Variants in LMO2 observed in about 807,000 individuals in gnomAD.
LMO2 encodes rhombotin-2.
A neutral mutation model predicts 23.2 loss-of-function variants in LMO2; 20 were observed. The observed-to-expected ratio is 0.86, with a 90% CI of 0.61 to 1.25. The LOEUF is 1.25. Ranked by LOEUF, LMO2 falls within the 50% of genes most tolerant of loss-of-function variation. The probability of loss-of-function intolerance (pLI) is 0.00; values close to 1 mark genes in which losing one functional copy is unlikely to be tolerated. For missense variants in LMO2, 270 were observed against 315.3 expected (o/e 0.86, Z 1.09); for synonymous variants, 123 against 130.2 (o/e 0.94, Z 0.38).
At chr11:33,873,926 A>T (rs1857080115) in intron 2 of LMO2, among the ~76,000 whole-genome samples, 1 of 152,240 alleles carries the variant, frequency 6.6e-6, no homozygotes, top group Non-Finnish European at 1.5e-5. Context: ...GATAGAAATG[A>T]AAATGCAAAT....
rs148283015 is a variant in LMO2, at chr11:33,872,784, G to A, written c.-271-2797C>T. ...TGTTTGTTTGTTTGTTTTTTGAGAT[G>A]GAGTCTCGCTCTGATACCCAGGCTG... On this transcript the variant is annotated intron_variant, in intron 2 of 5. Coordinates refer to ENST00000257818, the MANE Select transcript of LMO2 (RefSeq NM_005574.4). Among the ~76,000 whole-genome samples, 734 of 152,090 alleles carry A rather than the reference G, an allele frequency of 4.8e-3. 10 individuals carry two copies. The highest frequency in any genetic ancestry group is 0.017 in the African/African-American group (694 of 41,444).
chr11:33,866,920 T>G (rs867765703), intron 4 of LMO2, among the ~76,000 whole-genome samples: 2 of 152,338 alleles, frequency 1.3e-5, no homozygotes, highest in Middle Eastern at 6.8e-3. Context: ...TTCTAATAAC[T>G]AATACCCTAG....
intron 4 of LMO2, among the ~76,000 whole-genome samples, chr11:33,865,400 G>T (rs1430605525): frequency 6.6e-6 from 1 of 152,210 alleles, no homozygotes; most frequent in Non-Finnish European, 1.5e-5. Context: ...ATTTTAGGTT[G>T]CTTTCTCTTT....
intron 2 of LMO2, chr11:33,871,201 C>CTCTGTGTG (rs1857012495): frequency 6.2e-6 from 1 of 160,002 alleles, no homozygotes; most frequent in African/African-American, 2.6e-5. Flanking sequence ...TAATCAAAAG[C>CTCTGTGTG]TGTGTGTGTG....
chr11:33,869,555 C>T lies in LMO2; in HGVS notation c.39G>A (p.Gly13=). 7.7e-7 allele frequency: 1 copy of T among 1,291,280 alleles called. No individual in the cohort carries two copies. 80.0% of individuals were successfully genotyped at this position (1,291,280 alleles called of 1,614,324 possible). A position where few individuals can be genotyped will look rare whatever the true frequency, so the allele number is the denominator to read the frequency against. Residue 13 remains glycine, a synonymous_variant, in exon 4 of 6, where the codon GGG becomes GGA. Transcript: ENST00000257818. ...GSAVTVLERG[G]ASSPAERRSK... ...TCCGGCGCTCCGCCGGCGAGCTCGC[C>T]CCTCCGCGCTCAAGGACAGTCACCG...
chr11:33,859,987 G>C (rs1046016228), intron 5 of LMO2, among the ~76,000 whole-genome samples: 3 of 152,124 alleles, frequency 2.0e-5, no homozygotes, highest in African/African-American at 7.2e-5. Flanking sequence ...CCCTTTGAGA[G>C]GGTACTGACC....
intron 1 of LMO2, among the ~76,000 whole-genome samples, chr11:33,885,624 T>C (rs1482115147): frequency 3.3e-5 from 5 of 152,180 alleles, no homozygotes; most frequent in African/African-American, 7.2e-5. Context: ...ACAATGGCAA[T>C]GAGGTTTATT....
At chr11:33,888,142 T>C (rs1857457977) in intron 1 of LMO2, among the ~76,000 whole-genome samples, 1 of 152,188 alleles carries the variant, frequency 6.6e-6, no homozygotes, top group Non-Finnish European at 1.5e-5. Flanking sequence ...TGCAGGGCCA[T>C]TGATAGAAGC....
At position 33,859,466 on chromosome 11, in the gene LMO2, C is replaced by A; in HGVS notation, c.574G>T (p.Ala192Ser). The change falls in exon 6 of 6, where the codon GCC becomes TCC. Residue 192 changes from alanine to serine, a missense_variant. Physicochemically the swap from Ala to Ser is moderately conservative, Grantham distance 99. Coordinates refer to ENST00000257818, the MANE Select transcript of LMO2 (RefSeq NM_005574.4). ...KVYHLECFKC[A>S]ACQKHFCVGD... Reference sequence around the variant, plus strand: ...ACACAGAAATGCTTCTGACAGGCGGCGCATTTGAAACATTCCAGGTGATAC... The same window carrying A: ...ACACAGAAATGCTTCTGACAGGCGGAGCATTTGAAACATTCCAGGTGATAC... 3 of 1,613,930 alleles carry A rather than the reference C, an allele frequency of 1.9e-6. No individual in the cohort carries two copies. Among genetic ancestry groups the A allele is most frequent in the Non-Finnish European group, 2.5e-6 (3 of 1,179,854 alleles).
chr11:33,860,180 G>A (rs529640443), intron 5 of LMO2, among the ~76,000 whole-genome samples: 109 of 152,266 alleles, frequency 7.2e-4, no homozygotes, highest in African/African-American at 2.5e-3. Flanking sequence ...GAAAACACGC[G>A]GTGCAGCTAA....
At chr11:33,887,326 T>C (rs928708765) in intron 1 of LMO2, among the ~76,000 whole-genome samples, 2 of 152,146 alleles carry the variant, frequency 1.3e-5, no homozygotes, top group African/African-American at 4.8e-5. Flanking sequence ...TATTGTGGGG[T>C]TGGGGAACCT....
At chr11:33,883,964 A>G (rs753634344) in intron 1 of LMO2, among the ~76,000 whole-genome samples, 43 of 152,188 alleles carry the variant, frequency 2.8e-4, no homozygotes, top group Non-Finnish European at 4.7e-4. Context: ...GGTGCAGTTC[A>G]CAGGTAGTAA....
chr11:33,877,757 A>G (rs1215010322), intron 2 of LMO2, among the ~76,000 whole-genome samples: 1 of 151,300 alleles, frequency 6.6e-6, no homozygotes, highest in East Asian at 1.9e-4. Flanking sequence ...AAGCCACTGC[A>G]CCCTACCTGT....
At chr11:33,870,610 G>C in intron 2 of LMO2, 2 of 982,306 alleles carry the variant, frequency 2.0e-6, no homozygotes. Context: ...AGGGAGGGTG[G>C]CTGGGAGGGA....
In LMO2 at chr11:33,859,587, G is replaced by T; in HGVS notation, c.465-12C>A. On this transcript the variant is annotated splice_polypyrimidine_tract_variant and intron_variant, in intron 5 of 5. Transcript: ENST00000257818. Reference sequence around the variant, plus strand: ...CTTGCCCAAAAAGCCTGGGGCAAAAGAAAGAAAAGCTAAGAAGACAGTGAA... The same window carrying T: ...CTTGCCCAAAAAGCCTGGGGCAAAATAAAGAAAAGCTAAGAAGACAGTGAA... 6.2e-7 allele frequency: 1 copy of T among 1,612,716 alleles called. No homozygotes were observed. The highest frequency in any genetic ancestry group is 8.5e-7 in the Non-Finnish European group (1 of 1,179,140).
chr11:33,885,765 G>A (rs1327760666), intron 1 of LMO2, among the ~76,000 whole-genome samples: 1 of 152,194 alleles, frequency 6.6e-6, no homozygotes, highest in Non-Finnish European at 1.5e-5. Flanking sequence ...GCTCCAGCAA[G>A]GGGGTCCCTT....
intron 1 of LMO2, among the ~76,000 whole-genome samples, chr11:33,883,626 G>A (rs1857336989): frequency 6.6e-6 from 1 of 152,170 alleles, no homozygotes; most frequent in Non-Finnish European, 1.5e-5. Flanking sequence ...AGGCTTTCTG[G>A]AGGAAGCAGA....
Position 33,869,499 on chromosome 11 carries a change from C to G in LMO2, c.95G>C (p.Gly32Ala). 8.3e-7 allele frequency: 1 copy of G among 1,200,824 alleles called. No homozygotes were observed. Among genetic ancestry groups the G allele is most frequent in the South Asian group, 3.7e-5 (1 of 27,290 alleles). The allele number at this position is 1,200,824 out of a possible 1,614,324, so 74.4% of individuals were successfully genotyped here. A position where few individuals can be genotyped will look rare whatever the true frequency, so the allele number is the denominator to read the frequency against. ...TGCTCGGGCGCCGCCGCCGCCGCCG[C>G]CGTCGCCGCCGCTCCTGCGCCTCCG... ...SKRRRRSGGD[G>A]GGGGGARAPE... Residue 32 changes from glycine to alanine, a missense_variant, in exon 4 of 6, where the codon GGC becomes GCC. By Grantham distance (60) the Gly-to-Ala change is moderately conservative. Around this residue, in one of 2 missense-constraint regions of LMO2, gnomAD observed 170 missense variants for 162.0 expected, o/e 1.05. Transcript: ENST00000257818.
intron 2 of LMO2, among the ~76,000 whole-genome samples, chr11:33,879,753 A>T (rs1407629224): frequency 6.6e-6 from 1 of 152,206 alleles, no homozygotes; most frequent in Admixed American, 6.5e-5. Flanking sequence ...ACATGAAAAG[A>T]TGTTCTACAT....
Sources: gnomAD v4.1 joint callset for allele counts (sites outside exome capture counted in the v4.1 genomes callset) on GRCh38, gnomAD v4.1.1 for gene constraint, gnomAD v4.1.1 regional missense constraint, MANE v1.5 for transcripts, NCBI Gene and HGNC (gene_info 2026-07-23, HGNC 2026-07-21) for gene names.